PFKFB2: variants seen among roughly 807,000 people sequenced by gnomAD.
PFKFB2 encodes 6-phosphofructo-2-kinase/fructose-2,6-bisphosphatase 2.
A neutral mutation model predicts 68.0 loss-of-function variants in PFKFB2; 53 were observed. The ratio of observed to expected loss-of-function variants is 0.78; its 90% CI spans 0.63 to 0.98. The LOEUF (loss-of-function observed/expected upper bound fraction) is 0.98, where lower values mean the gene tolerates loss of function less well. PFKFB2 is among the 50% of genes least tolerant of loss of function. The pLI, the probability that PFKFB2 is intolerant of heterozygous loss-of-function variation, is 0.00. For missense variants in PFKFB2, 451 were observed against 642.0 expected, an observed-to-expected ratio of 0.70 and a Z score of 3.22; for synonymous variants, 222 against 227.6, an observed-to-expected ratio of 0.98 and a Z score of 0.22.
chr1:207,066,728 C>G (rs1368046381), intron 8 of PFKFB2, among the ~76,000 whole-genome samples: 1 of 152,154 alleles, frequency 6.6e-6, no homozygotes, highest in African/African-American at 2.4e-5. Flanking sequence ...TCTCGGCTCA[C>G]TGCAACCTCC....
At chr1:207,051,059 T>G, upstream of PFKFB2, 2 of 1,472,890 alleles carry the variant, frequency 1.4e-6, no homozygotes, top group Non-Finnish European at 9.0e-7. Flanking sequence ...GTTGCAGTTA[T>G]CGCGACGCTT....
intron 2 of PFKFB2, chr1:207,047,486 A>C (rs560249136): frequency 6.5e-6 from 1 of 152,770 alleles, no homozygotes; most frequent in Non-Finnish European, 1.5e-5. Context: ...AAGTGCTTTA[A>C]AGTATACCAC....
intron 2 of PFKFB2, among the ~76,000 whole-genome samples, chr1:207,043,141 T>C (rs922898000): frequency 6.6e-6 from 1 of 152,166 alleles, no homozygotes; most frequent in African/African-American, 2.4e-5. Context: ...AGTTCCCAGG[T>C]AATGTGATGA....
rs958478578 is a variant in PFKFB2, at chr1:207,070,566, A to G, written c.1222+157A>G. On this transcript the variant is annotated intron_variant, in intron 12 of 14. Coordinates refer to ENST00000367080, the MANE Select transcript of PFKFB2 (RefSeq NM_006212.2). The surrounding 1 kb of genome is among the most constrained non-coding windows in gnomAD (Gnocchi z 4.2). Reference sequence around the variant, plus strand: ...GGGGCTCCCAGCAGCCACTGAGTCAATGACTTGCTGAGTTCACTCTGCTGC... The same window carrying G: ...GGGGCTCCCAGCAGCCACTGAGTCAGTGACTTGCTGAGTTCACTCTGCTGC... The G allele has an allele frequency of 2.7e-5, 20 of 730,550 alleles. No homozygotes were observed. The African/African-American group carries it at 3.4e-4, about 12-fold the overall frequency. The allele number at this position is 730,550 out of a possible 1,614,324, so 45.3% of individuals were successfully genotyped here. A position where few individuals can be genotyped will look rare whatever the true frequency, so the allele number is the denominator to read the frequency against.
intron 2 of PFKFB2, among the ~76,000 whole-genome samples, chr1:207,059,853 A>G (rs550550119): frequency 2.8e-4 from 42 of 152,258 alleles, no homozygotes; most frequent in African/African-American, 9.1e-4. Flanking sequence ...TTTCCCATCC[A>G]AGTACCTCCA....
chr1:207,074,367 C>A lies in PFKFB2; in HGVS notation c.*1996C>A. On this transcript the variant is annotated 3_prime_UTR_variant, in exon 15 of 15. Transcript: ENST00000367080. The stretch of plus-strand genomic sequence containing the variant: ...TTAGAGGGTTATTCTAGGTTCTAGT[C>A]CCATCTTTAACCCTTTACATTGCTG... 1 of 985,206 alleles carries A rather than the reference C, an allele frequency of 1.0e-6. No individual in the cohort carries two copies. Among genetic ancestry groups the A allele is most frequent in the Non-Finnish European group, 1.2e-6 (1 of 829,768 alleles). The allele number at this position is 985,206 out of a possible 1,614,324, so 61.0% of individuals were successfully genotyped here. A position where few individuals can be genotyped will look rare whatever the true frequency, so the allele number is the denominator to read the frequency against.
intron 13 of PFKFB2, 25 bp from the exon 14 acceptor site, chr1:207,071,484 T>A (rs1432520197): frequency 6.3e-7 from 1 of 1,597,404 alleles, no homozygotes; most frequent in Non-Finnish European, 8.6e-7. Context: ...TTTCTTTAAG[T>A]CCTCTCTTTC....
rs908898861 is a variant in PFKFB2, at chr1:207,060,003, G to A, written c.86-1950G>A. ...TTTCTTCCTTTTTCCCCCATCCTGT[G>A]CAGGGCCTTCCCTCATTGGAGCCGG... On this transcript the variant is annotated intron_variant, in intron 2 of 14. Coordinates refer to ENST00000367080, the MANE Select transcript of PFKFB2 (RefSeq NM_006212.2). Among the ~76,000 whole-genome samples the A allele has an allele frequency of 1.9e-4, 29 of 152,136 alleles. 1 individual carries two copies. The highest frequency in any genetic ancestry group is 2.9e-5 in the Non-Finnish European group (2 of 68,016).
intron 2 of PFKFB2, chr1:207,047,151 GA>G (rs1394223238): frequency 6.6e-6 from 1 of 152,484 alleles, no homozygotes; most frequent in Non-Finnish European, 1.5e-5. Context: ...CCATTAATTT[GA>G]ACACATTATG....
chr1:207,062,684 G>A lies in PFKFB2; in HGVS notation c.276G>A (p.Arg92=). ...CCTATAAGTCCTACGACTTCTTTCG[G>A]CATGACAATGAGGAGGCCATGAAGA... ...VKSYKSYDFF[R]HDNEEAMKIR... is the part of the protein sequence containing the mutation. The change falls in exon 4 of 15, where the codon CGG becomes CGA. Residue 92 remains arginine (R), a synonymous_variant. Transcript: ENST00000367080. 1 of 1,614,128 alleles carries A rather than the reference G, an allele frequency of 6.2e-7. No individual in the cohort carries two copies. The highest frequency in any genetic ancestry group is 8.5e-7 in the Non-Finnish European group (1 of 1,180,022).
intron 1 of PFKFB2, among the ~76,000 whole-genome samples, 153 bp from the exon 2 acceptor site, chr1:207,054,548 G>A (rs1297589777): frequency 1.3e-5 from 2 of 152,242 alleles, no homozygotes; most frequent in Non-Finnish European, 2.9e-5. Flanking sequence ...GAGGGCTAGA[G>A]AAGTAGCTGC....
At position 207,063,434 on chromosome 1, in the gene PFKFB2, T is replaced by A. The variant is rs1420491370; in HGVS notation, c.450+13T>A. ...GAATTCCTTCAAGGTAGGATCTGAC[T>A]CCATGTTGGAGGAAAAGGGATGAGT... On this transcript the variant is annotated intron_variant, in intron 6 of 14. Coordinates refer to ENST00000367080, the MANE Select transcript of PFKFB2 (RefSeq NM_006212.2). The surrounding 1 kb of genome is among the most constrained non-coding windows in gnomAD (Gnocchi z 4.1). 1 of 1,594,136 alleles carries A rather than the reference T, an allele frequency of 6.3e-7. No individual in the cohort carries two copies. Among genetic ancestry groups the A allele is most frequent in the African/African-American group, 1.3e-5 (1 of 74,498 alleles).
intron 1 of PFKFB2, among the ~76,000 whole-genome samples, chr1:207,035,871 C>T (rs959140906): frequency 1.3e-5 from 2 of 152,060 alleles, no homozygotes; most frequent in Admixed American, 1.3e-4. Context: ...AACATGCGTA[C>T]TCAGTATACA....
rs761598359 is a variant in PFKFB2, at chr1:207,075,656, G to T, written c.*3285G>T. The T allele has an allele frequency of 1.0e-5, 10 of 981,798 alleles. No individual in the cohort carries two copies. The highest frequency in any genetic ancestry group is 1.2e-5 in the Non-Finnish European group (10 of 826,728). The allele number at this position is 981,798 out of a possible 1,614,324, so 60.8% of individuals were successfully genotyped here. A position where few individuals can be genotyped will look rare whatever the true frequency, so the allele number is the denominator to read the frequency against. On this transcript the variant is annotated 3_prime_UTR_variant, in exon 15 of 15. Transcript: ENST00000367080. ...CTACTGGAATAAGCTGGTTGCTGTG[G>T]CTTATACCTGTAGTCCCAGATACTT...
chr1:207,068,411 A>G (rs1460290906), intron 10 of PFKFB2, 102 bp downstream of exon 10: 17 of 983,888 alleles, frequency 1.7e-5, no homozygotes, highest in Non-Finnish European at 2.4e-5. Context: ...ACTACAACCA[A>G]CAAGTAAAAA....
At chr1:207,066,186 C>A (rs1683284121) in intron 8 of PFKFB2, among the ~76,000 whole-genome samples, 1 of 152,100 alleles carries the variant, frequency 6.6e-6, no homozygotes, top group Admixed American at 6.5e-5. Flanking sequence ...ATGGTGTAGA[C>A]TATAGATTAA....
chr1:207,061,097 CTTTATATATATCTATATATCTT>C (rs1418302425), intron 2 of PFKFB2, among the ~76,000 whole-genome samples: 10 of 69,926 alleles, frequency 1.4e-4, no homozygotes, highest in Admixed American at 2.8e-4. Context: ...TTATATATAT[CTTTATATATATCTATATATCTT>C]TATATATATC....
chr1:207,051,092 C>A, upstream of PFKFB2: 2 of 1,439,472 alleles, frequency 1.4e-6, no homozygotes, highest in Non-Finnish European at 1.8e-6. Context: ...TGCCTTAGTA[C>A]CTTAGCAAGC....
upstream of PFKFB2, chr1:207,052,959 C>CA (rs1252610713): frequency 6.6e-6 from 1 of 152,236 alleles, no homozygotes; most frequent in Non-Finnish European, 1.5e-5. Flanking sequence ...CACCCGCTCT[C>CA]AAGACGCCTA....
Sources: gnomAD v4.1 joint callset for allele counts (sites outside exome capture counted in the v4.1 genomes callset) on GRCh38, gnomAD v4.1.1 for gene constraint, Gnocchi (gnomAD v3.1) non-coding constraint, MANE v1.5 for transcripts, NCBI Gene and HGNC (gene_info 2026-07-23, HGNC 2026-07-21) for gene names.